Variants in PKD2 observed in about 807,000 individuals in gnomAD.
PKD2 encodes the protein polycystin 2, transient receptor potential cation channel.
In PKD2, 48 loss-of-function variants were observed where a neutral mutation model predicts 105.9. The ratio of observed to expected loss-of-function variants is 0.45; its 90% confidence interval spans 0.36 to 0.58. The LOEUF (loss-of-function observed/expected upper bound fraction) is 0.58. Among genes scored for constraint, PKD2 ranks in the 20% least tolerant of loss-of-function variants. The pLI, the probability that PKD2 is intolerant of heterozygous loss-of-function variation, is 0.00. For synonymous variants in PKD2, 464 were observed against 481.1 expected (o/e 0.96, Z 0.46); for missense variants, 1,078 against 1,255.3 (o/e 0.86, Z 2.13).
chr4:88,042,077 A>G (rs999773929), intron 4 of PKD2, among the ~76,000 whole-genome samples: 2 of 152,128 alleles, frequency 1.3e-5, no homozygotes, highest in Non-Finnish European at 2.9e-5. Context: ...AAACTGAACT[A>G]CTTCTTCTCT....
intron 13 of PKD2, among the ~76,000 whole-genome samples, chr4:88,071,698 C>G (rs1206387230): frequency 6.6e-6 from 1 of 152,078 alleles, no homozygotes; most frequent in African/African-American, 2.4e-5. Flanking sequence ...AGTCTGTTTC[C>G]CCACAGTGTC....
intron 4 of PKD2, among the ~76,000 whole-genome samples, chr4:88,041,569 A>G (rs1727565875): frequency 6.6e-6 from 1 of 152,212 alleles, no homozygotes; most frequent in African/African-American, 2.4e-5. Context: ...TTCTCCAGGA[A>G]CGAGTTGTAG....
At chr4:88,044,452 G>A (rs1235836705) in intron 5 of PKD2, among the ~76,000 whole-genome samples, 1 of 152,060 alleles carries the variant, frequency 6.6e-6, no homozygotes. Context: ...GTGGCTTGTT[G>A]GATTGTCCCA....
intron 4 of PKD2, among the ~76,000 whole-genome samples, chr4:88,041,294 C>A (rs1314613100): frequency 1.3e-5 from 2 of 152,180 alleles, no homozygotes; most frequent in African/African-American, 4.8e-5. Flanking sequence ...TCCTTCCTTT[C>A]CCTTCCCATC....
At chr4:88,026,775 GT>G (rs1261567714) in intron 2 of PKD2, among the ~76,000 whole-genome samples, 1 of 152,232 alleles carries the variant, frequency 6.6e-6, no homozygotes, top group African/African-American at 2.4e-5. Flanking sequence ...GGCCCCAGCT[GT>G]TCTGTGCAGC....
intron 1 of PKD2, among the ~76,000 whole-genome samples, chr4:88,017,440 C>T (rs1358019782): frequency 6.6e-6 from 1 of 152,184 alleles, no homozygotes; most frequent in Non-Finnish European, 1.5e-5. Context: ...GATGGAGTCT[C>T]ACTCTGTCAC....
intron 10 of PKD2, among the ~76,000 whole-genome samples, chr4:88,064,230 A>G (rs1184450046): frequency 6.6e-6 from 1 of 152,226 alleles, no homozygotes; most frequent in Non-Finnish European, 1.5e-5. Context: ...TAATGCATAG[A>G]AAAGAAGTTC....
Position 88,058,112 on chromosome 4 carries a change from A to C in PKD2, c.2019+9A>C, listed in dbSNP as rs999362018. On this transcript the variant is annotated intron_variant, in intron 9 of 14. Coordinates refer to ENST00000237596, the MANE Select transcript of PKD2 (RefSeq NM_000297.4). Reference sequence around the variant, plus strand: ...TGTTCTTCATTCTTTTGGTATGTACATTTTTATTTATAGTGAGGTTCAATT... The same window carrying C: ...TGTTCTTCATTCTTTTGGTATGTACCTTTTTATTTATAGTGAGGTTCAATT... 6.8e-7 allele frequency: 1 copy of C among 1,471,790 alleles called. No individual in the cohort carries two copies. The highest frequency in any genetic ancestry group is 9.5e-7 in the Non-Finnish European group (1 of 1,051,240). 91.2% of individuals were successfully genotyped at this position (1,471,790 alleles called of 1,614,324 possible).
At chr4:88,068,715 A>G (rs1720888563) in intron 13 of PKD2, among the ~76,000 whole-genome samples, 1 of 152,182 alleles carries the variant, frequency 6.6e-6, no homozygotes. Context: ...AAGAATGAAT[A>G]TTCTGCTGTT....
chr4:88,010,379 A>C (rs1041438548), intron 1 of PKD2, among the ~76,000 whole-genome samples: 1 of 152,196 alleles, frequency 6.6e-6, no homozygotes, highest in Non-Finnish European at 1.5e-5. Context: ...TTTAGCACCT[A>C]CTGTGAAGAT....
At chr4:88,012,341 G>A (rs571291325) in intron 1 of PKD2, among the ~76,000 whole-genome samples, 1 of 152,296 alleles carries the variant, frequency 6.6e-6, no homozygotes, top group Non-Finnish European at 1.5e-5. Flanking sequence ...TTTAATTCCA[G>A]GCACTTTGTG....
At chr4:88,031,324 A>G (rs192713749) in intron 2 of PKD2, among the ~76,000 whole-genome samples, 28 of 152,364 alleles carry the variant, frequency 1.8e-4, no homozygotes, top group African/African-American at 6.7e-4. Context: ...GTTTATCAGG[A>G]TGTAACTCTA....
chr4:88,071,769 A>T (rs1464159543), intron 13 of PKD2, among the ~76,000 whole-genome samples: 1 of 152,120 alleles, frequency 6.6e-6, no homozygotes, highest in East Asian at 1.9e-4. Flanking sequence ...CACTCTGGGA[A>T]GACAGTGGTT....
chr4:88,075,949 G>GC lies in PKD2; in HGVS notation c.*256dup. 4.2e-6 allele frequency: 2 copies of GC among 477,840 alleles called. No homozygotes were observed. Among genetic ancestry groups the GC allele is most frequent in the African/African-American group, 2.0e-5 (1 of 51,268 alleles). 29.6% of individuals were successfully genotyped at this position (477,840 alleles called of 1,614,324 possible). A position where few individuals can be genotyped will look rare whatever the true frequency, so the allele number is the denominator to read the frequency against. ...AAAAAATCTTCATGATGTGTATTGA[G>GC]CGGTACGCCCAGTTGCCACCATGAC... On this transcript the variant is annotated 3_prime_UTR_variant, in exon 15 of 15. Transcript: ENST00000237596.
chr4:88,013,518 C>A (rs1726455200), intron 1 of PKD2, among the ~76,000 whole-genome samples: 2 of 152,082 alleles, frequency 1.3e-5, no homozygotes, highest in Admixed American at 1.3e-4. Context: ...CAAGGCTACC[C>A]TGGGCAACAT....
chr4:88,070,577 TATATATATATATA>T (rs1720978941), intron 13 of PKD2, among the ~76,000 whole-genome samples: 1 of 81,144 alleles, frequency 1.2e-5, no homozygotes, highest in Admixed American at 1.3e-4. Flanking sequence ...ATTTATTTTA[TATATATATATATA>T]TATATATATA....
At chr4:88,040,726 G>A (rs940235378) in intron 4 of PKD2, among the ~76,000 whole-genome samples, 2 of 152,106 alleles carry the variant, frequency 1.3e-5, no homozygotes, top group African/African-American at 4.8e-5. Flanking sequence ...AGTGTTGACC[G>A]CTCATTCTTT....
At chr4:88,056,851 G>C (rs549571759) in intron 8 of PKD2, among the ~76,000 whole-genome samples, 1 of 152,296 alleles carries the variant, frequency 6.6e-6, no homozygotes, top group South Asian at 2.1e-4. Flanking sequence ...TAATATTGCT[G>C]TTGATAAAAG....
At position 88,044,295 on chromosome 4, in the gene PKD2, C is replaced by G. The variant is rs1361724983; in HGVS notation, c.1319+838C>G. Among the ~76,000 whole-genome samples, 3 of 152,222 alleles carry G rather than the reference C, an allele frequency of 2.0e-5. No individual in the cohort carries two copies. In the East Asian group the frequency reaches 5.8e-4, roughly 29 times the overall value. On this transcript the variant is annotated intron_variant, in intron 5 of 14. Coordinates refer to ENST00000237596, the MANE Select transcript of PKD2 (RefSeq NM_000297.4). ...GCAAGAGGAAGTCAGAGTTCACCCA[C>G]TTTAATCTTCCTGGTGAGCATGTCA...
Sources: allele counts gnomAD v4.1 joint callset (sites outside exome capture counted in the v4.1 genomes callset), GRCh38; gene constraint gnomAD v4.1.1; transcripts MANE v1.5; gene names NCBI Gene and HGNC (gene_info 2026-07-23, HGNC 2026-07-21).